Variants in EPHB2 observed in about 807,000 individuals in gnomAD.
The protein encoded by EPHB2 is ephrin type-B receptor 2.
EPHB2 carries 18 observed loss-of-function variants against 96.4 expected under a neutral mutation model. The observed-to-expected ratio is 0.19, with a 90% CI of 0.13 to 0.28. The LOEUF (loss-of-function observed/expected upper bound fraction) is 0.28, where lower values mean the gene tolerates loss of function less well. Among genes scored for constraint, EPHB2 ranks in the 10% least tolerant of loss-of-function variants. The pLI is 1.00. For synonymous variants in EPHB2, 506 were observed against 534.1 expected (o/e 0.95, Z 0.72); for missense variants, 989 against 1,355.4 (o/e 0.73, Z 4.25).
intron 3 of EPHB2, among the ~76,000 whole-genome samples, chr1:22,791,233 T>A (rs1261077448): frequency 6.6e-6 from 1 of 152,142 alleles, no homozygotes; most frequent in Non-Finnish European, 1.5e-5. Flanking sequence ...AACTTTTCCT[T>A]ATCACAAAAG....
intron 1 of EPHB2, among the ~76,000 whole-genome samples, chr1:22,718,542 A>G (rs1041555057): frequency 2.6e-5 from 4 of 151,788 alleles, no homozygotes; most frequent in Admixed American, 6.6e-5. Context: ...GCCTGCCACC[A>G]TGCCCGGCTA....
rs113963551 is a variant in EPHB2, at chr1:22,896,374, G to T, written c.1701-40G>T. 3.6e-3 allele frequency: 5,767 copies of T among 1,613,690 alleles called. 143 individuals carry two copies. In the African/African-American group the frequency reaches 0.064, roughly 18 times the overall value. On this transcript the variant is annotated intron_variant, in intron 8 of 15. Transcript: ENST00000374630. ...TACTGTGGCTCCCAGCTCCCTGGGC[G>T]CCTTCAGGTGGCTCCAGCCCTTTGC...
chr1:22,726,342 C>G (rs1643580937), intron 1 of EPHB2, among the ~76,000 whole-genome samples: 1 of 152,160 alleles, frequency 6.6e-6, no homozygotes, highest in Non-Finnish European at 1.5e-5. Context: ...CACTAAGTGC[C>G]AGGCACCATC....
At chr1:22,912,395 C>G in intron 14 of EPHB2, 49 bp from the exon 15 acceptor site, 1 of 1,612,224 alleles carries the variant, frequency 6.2e-7, no homozygotes, top group Non-Finnish European at 8.5e-7. Context: ...CTGCACGCTC[C>G]CTGCAAACAG....
intron 1 of EPHB2, among the ~76,000 whole-genome samples, chr1:22,748,918 G>A (rs1224742875): frequency 2.7e-5 from 4 of 150,342 alleles, no homozygotes; most frequent in African/African-American, 7.3e-5. Flanking sequence ...AGAATGTATC[G>A]CATTTTATGA....
intron 1 of EPHB2, among the ~76,000 whole-genome samples, chr1:22,768,862 C>T (rs1644341998): frequency 6.6e-6 from 1 of 152,112 alleles, no homozygotes. Flanking sequence ...CTGGTGCTTC[C>T]TCTTTCCCTC....
chr1:22,778,149 C>T (rs1380586085), intron 1 of EPHB2, among the ~76,000 whole-genome samples: 1 of 152,124 alleles, frequency 6.6e-6, no homozygotes, highest in Non-Finnish European at 1.5e-5. Context: ...CCTCAGCCTC[C>T]AGGGTAGCTG....
chr1:22,774,253 G>T (rs901327082), intron 1 of EPHB2, among the ~76,000 whole-genome samples: 22 of 152,146 alleles, frequency 1.4e-4, no homozygotes, highest in African/African-American at 5.3e-4. Context: ...GCCTCTCCCT[G>T]CAGTAAGTTC....
intron 1 of EPHB2, among the ~76,000 whole-genome samples, chr1:22,744,460 TTA>T (rs147549580): frequency 0.039 from 5,723 of 146,848 alleles, 252 homozygotes; most frequent in African/African-American, 0.099. Context: ...ATTTTGTATG[TTA>T]TATATATATA....
At chr1:22,856,081 A>T (rs1472942018) in intron 3 of EPHB2, among the ~76,000 whole-genome samples, 1 of 152,078 alleles carries the variant, frequency 6.6e-6, no homozygotes, top group Non-Finnish European at 1.5e-5. Flanking sequence ...AGCCTGACAC[A>T]CTGGGCCTGA....
At chr1:22,774,704 C>T in intron 1 of EPHB2, 5 of 789,182 alleles carry the variant, frequency 6.3e-6, no homozygotes, top group Non-Finnish European at 6.1e-6. Context: ...CTTGATCCTT[C>T]AGGCAGCAGG....
At chr1:22,882,638 C>A in intron 6 of EPHB2, 155 bp downstream of exon 6, 1 of 1,167,516 alleles carries the variant, frequency 8.6e-7, no homozygotes, top group Non-Finnish European at 1.2e-6. Flanking sequence ...GCTCCCAATC[C>A]AGCTCCGCTC....
At chr1:22,832,802 TAGA>T (rs1014769753) in intron 3 of EPHB2, among the ~76,000 whole-genome samples, 8 of 152,128 alleles carry the variant, frequency 5.3e-5, no homozygotes, top group African/African-American at 1.9e-4. Flanking sequence ...TACTTTATAA[TAGA>T]AGAAGAGGGG....
intron 1 of EPHB2, among the ~76,000 whole-genome samples, chr1:22,755,144 T>C (rs1644129693): frequency 6.6e-6 from 1 of 151,968 alleles, no homozygotes; most frequent in Admixed American, 6.5e-5. Context: ...TGAAGAGAAT[T>C]GAAAAAGGGA....
chr1:22,870,426 C>T (rs1360001825), intron 5 of EPHB2, among the ~76,000 whole-genome samples: 1 of 152,150 alleles, frequency 6.6e-6, no homozygotes, highest in Non-Finnish European at 1.5e-5. Context: ...AGGAGTCAGT[C>T]TGGCTGTTCA....
At chr1:22,717,602 C>T (rs1021115903) in intron 1 of EPHB2, among the ~76,000 whole-genome samples, 1 of 152,204 alleles carries the variant, frequency 6.6e-6, no homozygotes, top group African/African-American at 2.4e-5. Flanking sequence ...GCGCATGTGT[C>T]AGAGGCTCAT....
intron 1 of EPHB2, among the ~76,000 whole-genome samples, chr1:22,730,958 A>C (rs570022266): frequency 6.6e-6 from 1 of 152,032 alleles, no homozygotes; most frequent in South Asian, 2.1e-4. Flanking sequence ...GGCTGGACCA[A>C]GCGGGCAGTG....
chr1:22,920,195 C>G lies in EPHB2; in HGVS notation c.*6625C>G, dbSNP rs982448175. On this transcript the variant is annotated 3_prime_UTR_variant, in exon 16 of 16. Transcript: ENST00000374630. Reference sequence around the variant, plus strand: ...CTGGGGGTAAAAGGGGCTGGCTGTTCCAGGCTACAGCTGAGTAAAGCCCCA... The same window carrying G: ...CTGGGGGTAAAAGGGGCTGGCTGTTGCAGGCTACAGCTGAGTAAAGCCCCA... 6.6e-6 allele frequency: 1 copy of G among 152,254 alleles called. No homozygotes were observed. The highest frequency in any genetic ancestry group is 2.4e-5 in the African/African-American group (1 of 41,438). 9.4% of individuals were successfully genotyped at this position (152,254 alleles called of 1,614,324 possible).
Position 22,846,821 on chromosome 1 carries a change from C to G in EPHB2, c.812-16216C>G, listed in dbSNP as rs930566891. Reference sequence around the variant, plus strand: ...CCAGGAAACCACAGTGGTAGAGACCCCTCCTCTGGGCTTCCAGACCCAGCG... The same window carrying G: ...CCAGGAAACCACAGTGGTAGAGACCGCTCCTCTGGGCTTCCAGACCCAGCG... On this transcript the variant is annotated intron_variant, in intron 3 of 15. Coordinates refer to ENST00000374630, the MANE Select transcript of EPHB2 (RefSeq NM_017449.5). This position sits in a 1 kb window ranked among gnomAD's most constrained non-coding sequence, Gnocchi z 4.3. Among the ~76,000 whole-genome samples, 2 of 152,200 alleles carry G rather than the reference C, an allele frequency of 1.3e-5. No homozygotes were observed. The highest frequency in any genetic ancestry group is 1.3e-4 in the Admixed American group (2 of 15,274).
Sources: allele counts gnomAD v4.1 joint callset (sites outside exome capture counted in the v4.1 genomes callset), GRCh38; gene constraint gnomAD v4.1.1; non-coding constraint Gnocchi (gnomAD v3.1); transcripts MANE v1.5; gene names NCBI Gene and HGNC (gene_info 2026-07-23, HGNC 2026-07-21).